Variants in CNGA3 observed in about 807,000 individuals in gnomAD.
The protein encoded by CNGA3 is cyclic nucleotide-gated channel alpha-3.
A neutral mutation model predicts 46.6 loss-of-function variants in CNGA3; 42 were observed. The observed-to-expected ratio is 0.90, with a 90% CI of 0.70 to 1.17. The LOEUF is 1.17. CNGA3 is among the 50% of genes most tolerant of loss of function. The pLI is 0.00. For missense variants in CNGA3, 893 were observed against 890.7 expected (o/e 1.00, Z -0.03); for synonymous variants, 394 against 369.4 (o/e 1.07, Z -0.76).
At chr2:98,369,908 A>G in intron 1 of CNGA3, 31 bp from the exon 2 acceptor site, 1 of 1,393,318 alleles carries the variant, frequency 7.2e-7, no homozygotes, top group Non-Finnish European at 1.0e-6. Context: ...TCCTGTCCTG[A>G]TGACGTGTCT....
At chr2:98,348,153 C>G (rs577981490) in intron 1 of CNGA3, among the ~76,000 whole-genome samples, 1 of 152,204 alleles carries the variant, frequency 6.6e-6, no homozygotes, top group African/African-American at 2.4e-5. Flanking sequence ...CTGCTTCGCA[C>G]CAATGCCCAA....
intron 5 of CNGA3, among the ~76,000 whole-genome samples, chr2:98,385,113 C>A (rs1056025072): frequency 6.6e-6 from 1 of 152,132 alleles, no homozygotes; most frequent in Non-Finnish European, 1.5e-5. Context: ...GCCGATGGTG[C>A]TGGGTCTTTC....
intron 7 of CNGA3, among the ~76,000 whole-genome samples, chr2:98,392,599 A>G (rs116576846): frequency 1.7e-3 from 254 of 151,442 alleles, no homozygotes; most frequent in East Asian, 0.01. Flanking sequence ...GAAAAGAAAA[A>G]AAAAGAAAAG....
intron 1 of CNGA3, among the ~76,000 whole-genome samples, chr2:98,361,833 G>A (rs75781371): frequency 6.6e-5 from 10 of 150,658 alleles, no homozygotes; most frequent in Non-Finnish European, 4.4e-5. Flanking sequence ...TCAGCCTCCA[G>A]AGTAGCTGGG....
At chr2:98,378,274 T>C (rs1201644509) in intron 3 of CNGA3, 1 of 1,499,908 alleles carries the variant, frequency 6.7e-7, no homozygotes, top group Non-Finnish European at 9.0e-7. Context: ...GACTCCAAGC[T>C]CTGCTTCCCC....
chr2:98,380,330 A>C lies in CNGA3; in HGVS notation c.371A>C (p.Gln124Pro). 6.2e-7 allele frequency: 1 copy of C among 1,614,234 alleles called. No individual in the cohort carries two copies. ...ESNAQANVGS[Q>P]EPADRGRSAW... ...AATGCCCAGGCAAATGTGGGCAGCC[A>C]GGAGCCAGCAGACAGAGGGAGAAGG... Residue 124 changes from glutamine (Q) to proline (P), a missense_variant, in exon 4 of 8, where the codon CAG becomes CCG. Physicochemically the swap from Gln to Pro is moderately conservative, Grantham distance 76. Transcript: ENST00000272602.
chr2:98,354,370 C>A (rs558963169), intron 1 of CNGA3, among the ~76,000 whole-genome samples: 1 of 152,146 alleles, frequency 6.6e-6, no homozygotes, highest in Non-Finnish European at 1.5e-5. Context: ...AGAATGTTAG[C>A]ATGTGCTTCT....
Position 98,383,451 on chromosome 2 carries a change from C to T in CNGA3, c.449+10C>T. The T allele has an allele frequency of 6.2e-7, 1 of 1,614,144 alleles. No individual in the cohort carries two copies. The highest frequency in any genetic ancestry group is 8.5e-7 in the Non-Finnish European group (1 of 1,180,006). ...ACAACACGGAGGAGGAGTAAGTACC[C>T]ACACACCCAGCAGAGCCCTCCCCAA... is the stretch of plus-strand genomic sequence containing the variant. On this transcript the variant is annotated intron_variant, in intron 5 of 7. Coordinates refer to ENST00000272602, the MANE Select transcript of CNGA3 (RefSeq NM_001298.3).
chr2:98,350,196 TC>T (rs1415187330), intron 1 of CNGA3, among the ~76,000 whole-genome samples: 4 of 152,184 alleles, frequency 2.6e-5, no homozygotes, highest in Non-Finnish European at 4.4e-5. Context: ...TCATTCTGAG[TC>T]TCAGCTTCTT....
intron 2 of CNGA3, 103 bp from the exon 3 acceptor site, chr2:98,377,584 C>G: frequency 8.8e-7 from 1 of 1,135,702 alleles, no homozygotes; most frequent in Non-Finnish European, 1.3e-6. Context: ...GTGAGGGTGG[C>G]TTTCCCTGCT....
At chr2:98,357,336 G>A (rs1691906638) in intron 1 of CNGA3, among the ~76,000 whole-genome samples, 1 of 152,220 alleles carries the variant, frequency 6.6e-6, no homozygotes, top group Non-Finnish European at 1.5e-5. Flanking sequence ...AAATGTGATT[G>A]TAAGTGGTAC....
chr2:98,366,203 G>C (rs1006298851), intron 1 of CNGA3, among the ~76,000 whole-genome samples: 2 of 152,154 alleles, frequency 1.3e-5, no homozygotes, highest in African/African-American at 4.8e-5. Flanking sequence ...CATTCACCTG[G>C]ATCCCTCCTG....
intron 3 of CNGA3, chr2:98,378,281 C>T (rs994594966): frequency 2.0e-6 from 3 of 1,468,702 alleles, no homozygotes; most frequent in Non-Finnish European, 2.7e-6. Context: ...AGCTCTGCTT[C>T]CCCCTGATGA....
In CNGA3 at chr2:98,370,322, A is replaced by C. The variant is rs147730141; in HGVS notation, c.101+246A>C. The stretch of plus-strand genomic sequence containing the variant: ...GCTTAAATAGTCACTTAATTGCTAT[A>C]AGGTAAGAAAATGAAGACTCAAATG... On this transcript the variant is annotated intron_variant, in intron 2 of 7. Coordinates refer to ENST00000272602, the MANE Select transcript of CNGA3 (RefSeq NM_001298.3). 2.2e-3 allele frequency among the ~76,000 whole-genome samples: 342 copies of C among 152,340 alleles called. 1 individual carries two copies. The highest frequency in any genetic ancestry group is 8.1e-3 in the African/African-American group (336 of 41,578).
intron 4 of CNGA3, among the ~76,000 whole-genome samples, chr2:98,380,833 G>C (rs1356493898): frequency 2.6e-5 from 4 of 152,160 alleles, no homozygotes; most frequent in Non-Finnish European, 5.9e-5. Context: ...TCTGGGAAGA[G>C]AGTCTACAGG....
chr2:98,371,212 T>C (rs1243404245), intron 2 of CNGA3, among the ~76,000 whole-genome samples: 1 of 152,136 alleles, frequency 6.6e-6, no homozygotes, highest in Non-Finnish European at 1.5e-5. Context: ...CCTATATATA[T>C]AGAATTGAAA....
At chr2:98,366,819 C>G (rs1692163757) in intron 1 of CNGA3, among the ~76,000 whole-genome samples, 1 of 152,326 alleles carries the variant, frequency 6.6e-6, no homozygotes, top group East Asian at 1.9e-4. Context: ...TAGGCAGTCT[C>G]CAGTGTAGAG....
chr2:98,379,378 C>G (rs1220762663), intron 3 of CNGA3, among the ~76,000 whole-genome samples: 1 of 152,078 alleles, frequency 6.6e-6, no homozygotes, highest in African/African-American at 2.4e-5. Context: ...AAACCAGAAG[C>G]CAAGAAACAG....
intron 4 of CNGA3, 91 bp from the exon 5 acceptor site, chr2:98,383,297 G>T: frequency 2.5e-6 from 3 of 1,193,382 alleles, no homozygotes; most frequent in Middle Eastern, 1.9e-4. Flanking sequence ...GATAGGGATT[G>T]GGGGGTGGGG....
Sources: gnomAD v4.1 joint callset for allele counts (sites outside exome capture counted in the v4.1 genomes callset) on GRCh38, gnomAD v4.1.1 for gene constraint, MANE v1.5 for transcripts, NCBI Gene and HGNC (gene_info 2026-07-23, HGNC 2026-07-21) for gene names.